TMEM63C: variants seen among roughly 807,000 people sequenced by gnomAD.
TMEM63C encodes osmosensitive cation channel TMEM63C.
Under a neutral mutation model 99.2 loss-of-function variants are expected in TMEM63C, and 32 were observed. That is an observed-to-expected ratio of 0.32 (90% CI 0.24 to 0.43). The LOEUF (loss-of-function observed/expected upper bound fraction) is 0.43. Ranked by LOEUF, TMEM63C falls within the 20% of genes least tolerant of loss-of-function variation. The pLI, the probability that TMEM63C is intolerant of heterozygous loss-of-function variation, is 1.00. For synonymous variants in TMEM63C, 376 were observed against 397.9 expected (o/e 0.94, Z 0.66); for missense variants, 826 against 1,053.0 (o/e 0.78, Z 2.98).
intron 2 of TMEM63C, among the ~76,000 whole-genome samples, chr14:77,213,992 G>A (rs924339703): frequency 1.3e-5 from 2 of 151,998 alleles, no homozygotes; most frequent in South Asian, 2.1e-4. Flanking sequence ...GCCCTCCATC[G>A]CAGGTTCTGG....
intron 21 of TMEM63C, 35 bp from the exon 22 acceptor site, chr14:77,251,754 G>A (rs1344700739): frequency 6.3e-7 from 1 of 1,577,532 alleles, no homozygotes; most frequent in Non-Finnish European, 8.7e-7. Flanking sequence ...TCGGCTGGCA[G>A]ACTCCTGCCC....
At chr14:77,188,400 A>C (rs1375705826) in intron 1 of TMEM63C, among the ~76,000 whole-genome samples, 1 of 152,350 alleles carries the variant, frequency 6.6e-6, no homozygotes, top group East Asian at 1.9e-4. Context: ...ATTCTGTGAA[A>C]ATAGCAATAC....
intron 1 of TMEM63C, among the ~76,000 whole-genome samples, chr14:77,202,048 T>C (rs141982104): frequency 6.6e-6 from 1 of 152,326 alleles, no homozygotes; most frequent in East Asian, 1.9e-4. Context: ...AGGTGCTCCC[T>C]GCAGCAGGGG....
At chr14:77,243,184 G>A (rs1308608277) in intron 15 of TMEM63C, 128 bp downstream of exon 15, 3 of 1,136,752 alleles carry the variant, frequency 2.6e-6, no homozygotes, top group Non-Finnish European at 3.7e-6. Flanking sequence ...CATTGTGGAG[G>A]TGGCCATGGT....
intron 14 of TMEM63C, 105 bp downstream of exon 14, chr14:77,242,574 A>T (rs542255208): frequency 7.0e-7 from 1 of 1,431,136 alleles, no homozygotes; most frequent in East Asian, 2.3e-5. Context: ...CAGAGACTCC[A>T]AGGGGACTAA....
chr14:77,212,957 G>T (rs1323382523), intron 1 of TMEM63C, among the ~76,000 whole-genome samples: 1 of 152,206 alleles, frequency 6.6e-6, no homozygotes, highest in Non-Finnish European at 1.5e-5. Flanking sequence ...AACCCCAAAG[G>T]CTGGGATGTG....
At chr14:77,217,458 A>T (rs772512266) in intron 2 of TMEM63C, among the ~76,000 whole-genome samples, 6 of 152,146 alleles carry the variant, frequency 3.9e-5, no homozygotes, top group Admixed American at 6.5e-5. Flanking sequence ...TATCTTGTTC[A>T]CTGGTGCATT....
In TMEM63C at chr14:77,239,705, G is replaced by A. The variant is rs1122180; in HGVS notation, c.909G>A (p.Lys303=). The stretch of plus-strand genomic sequence containing the variant: ...CCTGTGCCCGCCTGTGCTTCTGCAA[G>A]TGCTGGACCTGCTTCAAGGAGGTAA... ...IHPCARLCFC[K]CWTCFKEVDA... The change falls in exon 12 of 24, where the codon AAG becomes AAA. Residue 303 remains lysine (K), a synonymous_variant. Coordinates refer to ENST00000298351, the MANE Select transcript of TMEM63C (RefSeq NM_020431.4). 3.7e-3 allele frequency: 5,913 copies of A among 1,613,214 alleles called. 179 individuals are homozygous for A. In the African/African-American group the frequency reaches 0.066, roughly 18 times the overall value.
At chr14:77,246,121 GC>G in intron 17 of TMEM63C, 95 bp downstream of exon 17, 2 of 985,198 alleles carry the variant, frequency 2.0e-6, no homozygotes, top group South Asian at 2.6e-5. Flanking sequence ...TGTGATTGCT[GC>G]AAACCCACTC....
chr14:77,186,811 G>GTGTGTGTGTC (rs1566614245), intron 1 of TMEM63C, among the ~76,000 whole-genome samples: 5 of 147,664 alleles, frequency 3.4e-5, no homozygotes, highest in African/African-American at 1.0e-4. Context: ...CTGTGTGTGT[G>GTGTGTGTGTC]TGTGTGTGTC....
chr14:77,233,522 CCCATT>C (rs1566626982), intron 8 of TMEM63C, 22 bp downstream of exon 8: 1 of 1,612,456 alleles, frequency 6.2e-7, no homozygotes. Flanking sequence ...ATCTTAACCT[CCCATT>C]CCATTGGCTG....
intron 8 of TMEM63C, 30 bp from the exon 9 acceptor site, chr14:77,236,594 A>T: frequency 6.6e-7 from 1 of 1,514,474 alleles, no homozygotes; most frequent in African/African-American, 1.4e-5. Context: ...TCACAGGCTG[A>T]CCTCACTGCT....
At chr14:77,245,715 G>C (rs547115968) in intron 16 of TMEM63C, among the ~76,000 whole-genome samples, 1 of 152,228 alleles carries the variant, frequency 6.6e-6, no homozygotes, top group East Asian at 1.9e-4. Context: ...AGACTTATTC[G>C]CTATCATGAG....
At chr14:77,237,202 G>C (rs920470780) in intron 9 of TMEM63C, among the ~76,000 whole-genome samples, 4 of 152,080 alleles carry the variant, frequency 2.6e-5, no homozygotes, top group Non-Finnish European at 5.9e-5. Context: ...ACAAGGCCCA[G>C]TGGACCAGCG....
chr14:77,255,286 A>G (rs968312945), intron 23 of TMEM63C, among the ~76,000 whole-genome samples: 1 of 152,216 alleles, frequency 6.6e-6, no homozygotes, highest in Non-Finnish European at 1.5e-5. Context: ...CCACCACGCC[A>G]GGCCTATAAC....
At chr14:77,211,149 C>T (rs1267312747) in intron 1 of TMEM63C, among the ~76,000 whole-genome samples, 3 of 152,340 alleles carry the variant, frequency 2.0e-5, no homozygotes, top group African/African-American at 7.2e-5. Context: ...TGTCCCTGGA[C>T]TAAAGTTTGA....
At chr14:77,228,599 C>T (rs1467650780) in intron 6 of TMEM63C, among the ~76,000 whole-genome samples, 2 of 150,354 alleles carry the variant, frequency 1.3e-5, no homozygotes, top group East Asian at 2.0e-4. Context: ...GGCAGTGGTA[C>T]GATCTCAGCT....
At position 77,259,451 on chromosome 14, in the gene TMEM63C, T is replaced by C. The variant is rs1433714682; in HGVS notation, c.*2725T>C. ...TGTGCCAGAATGCTGAACCTTCTTG[T>C]TAATGCTATGACCGTGCCTTGAATA... On this transcript the variant is annotated 3_prime_UTR_variant, in exon 24 of 24. Transcript: ENST00000298351. The C allele has an allele frequency of 2.0e-5, 3 of 152,748 alleles. No homozygotes were observed. Among genetic ancestry groups the C allele is most frequent in the Non-Finnish European group, 4.4e-5 (3 of 68,146 alleles). The allele number at this position is 152,748 out of a possible 1,614,324, so 9.5% of individuals were successfully genotyped here. A position where few individuals can be genotyped will look rare whatever the true frequency, so the allele number is the denominator to read the frequency against.
chr14:77,228,575 C>T (rs1193072817), intron 6 of TMEM63C, among the ~76,000 whole-genome samples: 1 of 149,420 alleles, frequency 6.7e-6, no homozygotes, highest in African/African-American at 2.5e-5. Flanking sequence ...CTCACTCTGT[C>T]GCCCAGGCTG....
Sources: allele counts gnomAD v4.1 joint callset (sites outside exome capture counted in the v4.1 genomes callset), GRCh38; gene constraint gnomAD v4.1.1; transcripts MANE v1.5; gene names NCBI Gene and HGNC (gene_info 2026-07-23, HGNC 2026-07-21).